The following UNK variants were observed in gnomAD, a reference collection of about 807,000 sequenced individuals.
UNK encodes the protein RING finger protein unkempt homolog.
Under a neutral mutation model 97.6 loss-of-function variants are expected in UNK, and 32 were observed. The ratio of observed to expected loss-of-function variants is 0.33; its 90% CI spans 0.25 to 0.44. UNK has a LOEUF of 0.44. UNK is among the 20% of genes least tolerant of loss of function. UNK has a pLI of 1.00. For synonymous variants in UNK, 441 were observed against 461.2 expected, an observed-to-expected ratio of 0.96 and a Z score of 0.56; for missense variants, 771 against 1,098.4, an observed-to-expected ratio of 0.70 and a Z score of 4.21.
rs961186543 is a variant in UNK at position 75,817,312 on chromosome 17, C to G, written c.1105-14C>G. On this transcript the variant is annotated splice_polypyrimidine_tract_variant and intron_variant, in intron 8 of 15. Transcript: ENST00000589666. The surrounding 1 kb of genome is among the most constrained non-coding windows in gnomAD (Gnocchi z 5.8). The stretch of plus-strand genomic sequence containing the variant: ...TGTGCCCACGGGCCCACTCCCTCCC[C>G]TCCTTCTCCGCAGCTCCTCTGTAGA... The G allele has an allele frequency of 2.6e-6, 4 of 1,558,012 alleles. No homozygotes were observed. The highest frequency in any genetic ancestry group is 3.5e-6 in the Non-Finnish European group (4 of 1,149,404).
chr17:75,784,941 G>A lies in UNK; in HGVS notation c.61G>A (p.Ala21Thr), dbSNP rs2061691992. Residue 21 changes from alanine (A) to threonine (T), a missense_variant, in exon 1 of 16, where the codon GCT becomes ACT. By Grantham distance (58) the Ala-to-Thr change is moderately conservative (BLOSUM62 0). This residue lies in a region of UNK where 246 missense variants were observed against 440.7 expected (regional missense o/e 0.56). Coordinates refer to ENST00000589666, the MANE Select transcript of UNK (RefSeq NM_001080419.3). ...AASSAPPAAT[A>T]QVLQAQPEKP... ...TTCCTCGGCGCCCCCGGCCGCTACC[G>A]CTCAGGTGCTGCAGGCACAGCCCGA... The A allele has an allele frequency of 1.3e-6, 2 of 1,545,108 alleles. No individual in the cohort carries two copies. Among genetic ancestry groups the A allele is most frequent in the South Asian group, 2.4e-5 (2 of 84,132 alleles).
intron 2 of UNK, among the ~76,000 whole-genome samples, chr17:75,810,274 T>C (rs1435454609): frequency 3.3e-5 from 5 of 152,230 alleles, no homozygotes; most frequent in Non-Finnish European, 7.3e-5. Flanking sequence ...TCCCATGCAG[T>C]TCCCACCAAA....
In UNK at chr17:75,822,570, CT is replaced by C; in HGVS notation, c.1932del (p.Ala645ProfsTer66). 6.2e-7 allele frequency: 1 copy of C among 1,613,632 alleles called. No individual in the cohort carries two copies. The highest frequency in any genetic ancestry group is 8.5e-7 in the Non-Finnish European group (1 of 1,179,858). On this transcript the variant is annotated frameshift_variant, in exon 14 of 16. Coordinates refer to ENST00000589666, the MANE Select transcript of UNK (RefSeq NM_001080419.3). LOFTEE classifies it high-confidence loss of function. ...TSPAFLSGPG[A>X]AELARLRQEL... Reference sequence around the variant, plus strand: ...CCCGCTTTCCTATCAGGGCCAGGGGCTGCCGAGCTGGCCCGACTTCGGCAAG... The same window carrying C: ...CCCGCTTTCCTATCAGGGCCAGGGGCGCCGAGCTGGCCCGACTTCGGCAAG...
At position 75,819,313 on chromosome 17, in the gene UNK, A is replaced by G. The variant is rs910738141; in HGVS notation, c.1547-371A>G. The stretch of plus-strand genomic sequence containing the variant: ...AGTGGACATTTGTCAAGCACCTGCT[A>G]TACACCAGCCACTGAGTGCCCAGAG... On this transcript the variant is annotated intron_variant, in intron 11 of 15. Coordinates refer to ENST00000589666, the MANE Select transcript of UNK (RefSeq NM_001080419.3). The surrounding 1 kb of genome is among the most constrained non-coding windows in gnomAD (Gnocchi z 5.4). The G allele has an allele frequency of 1.6e-5, 5 of 320,442 alleles. No individual in the cohort carries two copies. Among genetic ancestry groups the G allele is most frequent in the African/African-American group, 1.1e-4 (5 of 46,424 alleles). 19.8% of individuals were successfully genotyped at this position (320,442 alleles called of 1,614,324 possible).
At chr17:75,809,206 C>T (rs558961367) in intron 1 of UNK, among the ~76,000 whole-genome samples, 12 of 152,094 alleles carry the variant, frequency 7.9e-5, no homozygotes, top group Non-Finnish European at 1.3e-4. Flanking sequence ...GCAGACAGGA[C>T]GGTAATTACT....
intron 13 of UNK, among the ~76,000 whole-genome samples, chr17:75,822,262 C>T (rs2062075832): frequency 6.6e-6 from 1 of 152,226 alleles, no homozygotes; most frequent in Non-Finnish European, 1.5e-5. Context: ...GTGGCACCAA[C>T]TAGCAGGTGT....
chr17:75,819,384 A>T lies in UNK; in HGVS notation c.1547-300A>T, dbSNP rs2062045806. On this transcript the variant is annotated intron_variant, in intron 11 of 15. Coordinates refer to ENST00000589666, the MANE Select transcript of UNK (RefSeq NM_001080419.3). The surrounding 1 kb of genome is among the most constrained non-coding windows in gnomAD (Gnocchi z 5.4). ...CCCGGGGCTGAGACCCTTGAGTTGTAACATCAGGGGACAAGACCCTTGTCC... is the reference window on the plus strand; with the variant it reads ...CCCGGGGCTGAGACCCTTGAGTTGTTACATCAGGGGACAAGACCCTTGTCC... Among the ~76,000 whole-genome samples, 2 of 152,172 alleles carry T rather than the reference A, an allele frequency of 1.3e-5. No individual in the cohort carries two copies. Among genetic ancestry groups the T allele is most frequent in the African/African-American group, 4.8e-5 (2 of 41,454 alleles).
In UNK at chr17:75,816,580, A is replaced by G. The variant is rs1323903752; in HGVS notation, c.962-190A>G. Among the ~76,000 whole-genome samples the G allele has an allele frequency of 6.6e-6, 1 of 152,208 alleles. No homozygotes were observed. Among genetic ancestry groups the G allele is most frequent in the African/African-American group, 2.4e-5 (1 of 41,450 alleles). On this transcript the variant is annotated intron_variant, in intron 7 of 15. Coordinates refer to ENST00000589666, the MANE Select transcript of UNK (RefSeq NM_001080419.3). This position sits in a 1 kb window ranked among gnomAD's most constrained non-coding sequence, Gnocchi z 4.0. ...CTTCTGGTCACCATGAAGATTCACA[A>G]TTACTGCAAAGTGCTGGCACAGTGC...
Position 75,817,629 on chromosome 17 carries a change from G to A in UNK, c.1305+103G>A. On this transcript the variant is annotated intron_variant, in intron 9 of 15. Coordinates refer to ENST00000589666, the MANE Select transcript of UNK (RefSeq NM_001080419.3). The surrounding 1 kb of genome is among the most constrained non-coding windows in gnomAD (Gnocchi z 5.8). ...CCAGCTACGGGGAGGATGACTGGGA[G>A]CTAGGACTCCACTGTCCTCGGCCTC... The A allele has an allele frequency of 8.0e-7, 1 of 1,252,180 alleles. No individual in the cohort carries two copies. Among genetic ancestry groups the A allele is most frequent in the Non-Finnish European group, 1.1e-6 (1 of 907,974 alleles). 77.6% of individuals were successfully genotyped at this position (1,252,180 alleles called of 1,614,324 possible).
intron 1 of UNK, among the ~76,000 whole-genome samples, chr17:75,789,437 C>T (rs1477870078): frequency 6.6e-6 from 1 of 151,944 alleles, no homozygotes; most frequent in African/African-American, 2.4e-5. Context: ...CCTGGGTTCA[C>T]GGCATTCTTC....
At chr17:75,788,385 G>A (rs1383576045) in intron 1 of UNK, among the ~76,000 whole-genome samples, 1 of 152,110 alleles carries the variant, frequency 6.6e-6, no homozygotes, top group Non-Finnish European at 1.5e-5. Context: ...TCACTGTGTT[G>A]GCCAGGCTGA....
chr17:75,801,755 G>A (rs1310998984), intron 1 of UNK, among the ~76,000 whole-genome samples: 1 of 151,820 alleles, frequency 6.6e-6, no homozygotes, highest in Non-Finnish European at 1.5e-5. Context: ...ATATTGGCCA[G>A]GTTGGTCTTG....
In UNK at chr17:75,817,834, C is replaced by G. The variant is rs549463527; in HGVS notation, c.1306-269C>G. Among the ~76,000 whole-genome samples the G allele has an allele frequency of 6.6e-6, 1 of 152,212 alleles. No individual in the cohort carries two copies. Among genetic ancestry groups the G allele is most frequent in the East Asian group, 1.9e-4 (1 of 5,160 alleles). On this transcript the variant is annotated intron_variant, in intron 9 of 15. Coordinates refer to ENST00000589666, the MANE Select transcript of UNK (RefSeq NM_001080419.3). The surrounding 1 kb of genome is among the most constrained non-coding windows in gnomAD (Gnocchi z 5.8). ...CATGGAAAGACAGGGCCTGGGGAAG[C>G]AGGACACAGGGGTCCCTAACTGGGC...
At chr17:75,798,863 G>A (rs1599365671) in intron 1 of UNK, among the ~76,000 whole-genome samples, 1 of 151,726 alleles carries the variant, frequency 6.6e-6, no homozygotes, top group African/African-American at 2.4e-5. Context: ...TCAGGAGATC[G>A]AGACCATCCT....
intron 1 of UNK, among the ~76,000 whole-genome samples, chr17:75,795,002 C>T (rs567398346): frequency 5.3e-5 from 8 of 152,168 alleles, no homozygotes; most frequent in East Asian, 1.9e-4. Context: ...GTTGCATCCA[C>T]ACTAAAATAG....
At chr17:75,811,218 T>C (rs1179914237) in intron 2 of UNK, among the ~76,000 whole-genome samples, 1 of 152,142 alleles carries the variant, frequency 6.6e-6, no homozygotes, top group African/African-American at 2.4e-5. Flanking sequence ...CCCACAAGTG[T>C]TGGGATTTAC....
intron 1 of UNK, among the ~76,000 whole-genome samples, chr17:75,786,866 G>A (rs755471516): frequency 6.6e-6 from 1 of 151,810 alleles, no homozygotes; most frequent in Non-Finnish European, 1.5e-5. Flanking sequence ...TCAAAAAACA[G>A]AAACAAAAAC....
Position 75,813,063 on chromosome 17 carries a change from T to C in UNK, c.623-15T>C. ...CTCCTCTCACCTGACCCCTGCCCTCTGGCCCCCTGTGCAGAGACTGCTTAT... is the reference window on the plus strand; with the variant it reads ...CTCCTCTCACCTGACCCCTGCCCTCCGGCCCCCTGTGCAGAGACTGCTTAT... On this transcript the variant is annotated splice_polypyrimidine_tract_variant and intron_variant, in intron 4 of 15. Transcript: ENST00000589666. 6.3e-7 allele frequency: 1 copy of C among 1,579,582 alleles called. No homozygotes were observed. Among genetic ancestry groups the C allele is most frequent in the Non-Finnish European group, 8.6e-7 (1 of 1,162,152 alleles).
At chr17:75,812,371 C>G (rs1478640423) in intron 3 of UNK, 83 bp downstream of exon 3, 1 of 1,582,276 alleles carries the variant, frequency 6.3e-7, no homozygotes, top group Non-Finnish European at 8.6e-7. Flanking sequence ...GTGAGTACCT[C>G]AGACTGCAGT....
Sources: gnomAD v4.1 joint callset for allele counts (sites outside exome capture counted in the v4.1 genomes callset) on GRCh38, gnomAD v4.1.1 for gene constraint, gnomAD v4.1.1 regional missense constraint, Gnocchi (gnomAD v3.1) non-coding constraint, MANE v1.5 for transcripts, NCBI Gene and HGNC (gene_info 2026-07-23, HGNC 2026-07-21) for gene names.